The following CNTNAP5 variants were observed in gnomAD, a reference collection of about 807,000 sequenced individuals.
CNTNAP5 encodes contactin-associated protein-like 5.
Under a neutral mutation model 150.2 loss-of-function variants are expected in CNTNAP5, and 72 were observed. The observed-to-expected ratio is 0.48, with a 90% CI of 0.40 to 0.58. The LOEUF is 0.58. CNTNAP5 is among the 20% of genes least tolerant of loss of function. CNTNAP5 has a pLI of 0.00. For missense variants in CNTNAP5, 1,636 were observed against 1,626.2 expected, an observed-to-expected ratio of 1.01 and a Z score of -0.10; for synonymous variants, 672 against 619.8, an observed-to-expected ratio of 1.08 and a Z score of -1.25.
chr2:124,610,173 T>G (rs1046828380), intron 12 of CNTNAP5, among the ~76,000 whole-genome samples: 2 of 152,174 alleles, frequency 1.3e-5, no homozygotes, highest in Non-Finnish European at 1.5e-5. Context: ...ATCAGTGGTT[T>G]TCTTTAGGGC....
chr2:124,129,324 T>A (rs1056814970), intron 1 of CNTNAP5, among the ~76,000 whole-genome samples: 2 of 152,142 alleles, frequency 1.3e-5, no homozygotes, highest in African/African-American at 4.8e-5. Context: ...AAGACAGTTC[T>A]CTAAAGCCAG....
chr2:124,838,718 T>A (rs540880610), intron 19 of CNTNAP5, among the ~76,000 whole-genome samples: 1 of 152,322 alleles, frequency 6.6e-6, no homozygotes, highest in African/African-American at 2.4e-5. Context: ...TTTGCTGCTG[T>A]TGGTTTGCCA....
chr2:124,676,119 C>T (rs1678934873), intron 13 of CNTNAP5, among the ~76,000 whole-genome samples: 1 of 152,226 alleles, frequency 6.6e-6, no homozygotes, highest in Admixed American at 6.5e-5. Flanking sequence ...GCATTGTTTT[C>T]AGCTAACTAT....
intron 19 of CNTNAP5, among the ~76,000 whole-genome samples, chr2:124,805,839 C>T (rs958614571): frequency 1.3e-5 from 2 of 152,136 alleles, no homozygotes; most frequent in African/African-American, 2.4e-5. Context: ...GATCTTTCCT[C>T]GTGAATGAGG....
chr2:124,324,078 G>T (rs1365019), intron 3 of CNTNAP5, among the ~76,000 whole-genome samples: 35,542 of 152,122 alleles, frequency 0.23, 4,428 homozygotes, highest in Middle Eastern at 0.29. Flanking sequence ...TCTTTTTAAA[G>T]ACTTGACTAT....
At chr2:124,487,731 G>A (rs1693920593) in intron 7 of CNTNAP5, among the ~76,000 whole-genome samples, 2 of 152,160 alleles carry the variant, frequency 1.3e-5, no homozygotes, top group Middle Eastern at 6.8e-3. Context: ...CTAGTAAACT[G>A]GAGTGCATTT....
rs867799842 is a variant in CNTNAP5, at chr2:124,216,279, A to G, written c.83-5426A>G. ...AAGGAGTACAGATGACAGCAAAGTT[A>G]TTTGTTGAAGAAAAATGGGGAATCA... On this transcript the variant is annotated intron_variant, in intron 1 of 23. Transcript: ENST00000682447. Among the ~76,000 whole-genome samples the G allele has an allele frequency of 2.0e-5, 3 of 152,292 alleles. 1 individual carries two copies. The highest frequency in any genetic ancestry group is 3.4e-3 in the Middle Eastern group (1 of 294).
intron 11 of CNTNAP5, among the ~76,000 whole-genome samples, chr2:124,588,177 C>CTTTCTTTCT (rs1696591209): frequency 9.0e-6 from 1 of 110,820 alleles, no homozygotes. Flanking sequence ...TCCTTCCTTC[C>CTTTCTTTCT]TTCTTTCTTT....
At chr2:124,482,696 A>G (rs893652476) in intron 7 of CNTNAP5, among the ~76,000 whole-genome samples, 1 of 152,208 alleles carries the variant, frequency 6.6e-6, no homozygotes, top group South Asian at 2.1e-4. Context: ...TGAAAAAGGA[A>G]GGAGGGCAGC....
chr2:124,245,551 C>A (rs1237783523), intron 3 of CNTNAP5, among the ~76,000 whole-genome samples: 3 of 149,570 alleles, frequency 2.0e-5, no homozygotes, highest in African/African-American at 4.9e-5. Context: ...GGTGGTTTAT[C>A]AAGAAAATAG....
chr2:124,080,795 A>G lies in CNTNAP5; in HGVS notation c.82+55063A>G, dbSNP rs1409228395. Among the ~76,000 whole-genome samples the G allele has an allele frequency of 3.3e-5, 5 of 152,224 alleles. No homozygotes were observed. The East Asian group carries it at 9.6e-4, about 29-fold the overall frequency. On this transcript the variant is annotated intron_variant, in intron 1 of 23. Transcript: ENST00000682447. ...TGTATCTATCTGAAGCAATTATACA[A>G]TACATTGATTTTCACTGCCTCTTCA...
intron 3 of CNTNAP5, among the ~76,000 whole-genome samples, chr2:124,396,276 C>G (rs769240063): frequency 2.6e-5 from 4 of 152,156 alleles, no homozygotes; most frequent in Non-Finnish European, 4.4e-5. Flanking sequence ...AAAGTATAAA[C>G]AGGGCCTGAG....
chr2:124,747,127 A>G, intron 13 of CNTNAP5, 102 bp from the exon 14 acceptor site: 1 of 1,083,142 alleles, frequency 9.2e-7, no homozygotes, highest in Non-Finnish European at 1.3e-6. Context: ...GATTATCTAT[A>G]TACATCTATT....
chr2:124,179,123 T>C (rs1288584200), intron 1 of CNTNAP5, among the ~76,000 whole-genome samples: 1 of 151,758 alleles, frequency 6.6e-6, no homozygotes, highest in East Asian at 1.9e-4. Flanking sequence ...CTCATGTACC[T>C]GCACTCATTC....
At chr2:124,307,372 C>G (rs1464551993) in intron 3 of CNTNAP5, among the ~76,000 whole-genome samples, 1 of 152,102 alleles carries the variant, frequency 6.6e-6, no homozygotes, top group South Asian at 2.1e-4. Context: ...CTCCAAGTAC[C>G]ATTACACTGG....
chr2:124,734,887 G>A (rs902601772), intron 13 of CNTNAP5, among the ~76,000 whole-genome samples: 1 of 152,112 alleles, frequency 6.6e-6, no homozygotes, highest in African/African-American at 2.4e-5. Context: ...TTTAAATAAA[G>A]TTCAAACCTT....
intron 3 of CNTNAP5, among the ~76,000 whole-genome samples, chr2:124,272,518 A>T (rs987700789): frequency 2.6e-5 from 4 of 152,188 alleles, no homozygotes; most frequent in African/African-American, 9.7e-5. Flanking sequence ...CAGAAAAGAA[A>T]CAGAGAGACA....
chr2:124,662,791 CA>C (rs1048852627), intron 13 of CNTNAP5, among the ~76,000 whole-genome samples: 7 of 152,292 alleles, frequency 4.6e-5, no homozygotes, highest in African/African-American at 1.4e-4. Context: ...TAGTTGATTA[CA>C]AATGTCATAT....
intron 17 of CNTNAP5, among the ~76,000 whole-genome samples, chr2:124,774,002 T>TA (rs1319824192): frequency 4.7e-4 from 71 of 150,656 alleles, no homozygotes; most frequent in Non-Finnish European, 2.7e-4. Flanking sequence ...TAGCTGTAGT[T>TA]AAAAAAAATT....
Sources: allele counts gnomAD v4.1 joint callset (sites outside exome capture counted in the v4.1 genomes callset), GRCh38; gene constraint gnomAD v4.1.1; transcripts MANE v1.5; gene names NCBI Gene and HGNC (gene_info 2026-07-23, HGNC 2026-07-21).